GPRC6A: variants seen among roughly 807,000 people sequenced by gnomAD.
The protein encoded by GPRC6A is G protein-coupled receptor family C group 6 member A.
A neutral mutation model predicts 47.0 loss-of-function variants in GPRC6A; 54 were observed. The observed-to-expected ratio is 1.15, with a 90% CI of 0.92 to 1.44. The LOEUF (loss-of-function observed/expected upper bound fraction) is 1.44. Among genes scored for constraint, GPRC6A ranks in the 40% most tolerant of loss-of-function variants. GPRC6A has a pLI of 0.00. For synonymous variants in GPRC6A, 347 were observed against 377.1 expected (o/e 0.92, Z 0.93); for missense variants, 1,112 against 1,105.5 (o/e 1.01, Z -0.08).
intron 2 of GPRC6A, among the ~76,000 whole-genome samples, chr6:116,807,795 T>C (rs1772903009): frequency 6.6e-6 from 1 of 152,150 alleles, no homozygotes. Flanking sequence ...CTCAAGAGCA[T>C]GAGAACCACA....
chr6:116,806,996 C>G lies in GPRC6A; in HGVS notation c.709G>C (p.Val237Leu). 6.2e-7 allele frequency: 1 copy of G among 1,613,566 alleles called. No homozygotes were observed. The highest frequency in any genetic ancestry group is 1.7e-5 in the Admixed American group (1 of 59,904). ...AGAACCTCTTTGAAGGCTATGCACA[C>G]GTTATTTGCTTCAGCCTGAATTATA... ...TFIIQAEANN[V>L]CIAFKEVLPA... The change falls in exon 3 of 6, where the codon GTG (valine) becomes CTG (leucine). Residue 237 changes from valine (V) to leucine (L), a missense_variant. Val to Leu is a conservative substitution (Grantham distance 32). Transcript: ENST00000310357.
rs139001933 is a variant in GPRC6A, at chr6:116,811,201, T to C, written c.195-1584A>G. On this transcript the variant is annotated intron_variant, in intron 1 of 5. Transcript: ENST00000310357. ...TGTCAGATGGCACTTATGCCAGTCA[T>C]GGCCAAAAAAATCAAAGAAACTACA... Among the ~76,000 whole-genome samples the C allele has an allele frequency of 9.4e-3, 1,430 of 152,220 alleles. 10 individuals carry two copies. Among genetic ancestry groups the C allele is most frequent in the Non-Finnish European group, 0.015 (1,023 of 68,010 alleles).
intron 1 of GPRC6A, among the ~76,000 whole-genome samples, chr6:116,826,993 A>T (rs1303515860): frequency 1.3e-5 from 2 of 151,972 alleles, no homozygotes; most frequent in Non-Finnish European, 2.9e-5. Flanking sequence ...TGGGAGCTAA[A>T]ATCATTGATA....
chr6:116,810,818 C>A (rs1042786306), intron 1 of GPRC6A, among the ~76,000 whole-genome samples: 4 of 152,032 alleles, frequency 2.6e-5, no homozygotes, highest in African/African-American at 9.7e-5. Flanking sequence ...GTAAGCCCAG[C>A]TCATCATTGG....
chr6:116,797,180 A>G (rs543283361), intron 4 of GPRC6A, among the ~76,000 whole-genome samples: 1 of 152,154 alleles, frequency 6.6e-6, no homozygotes, highest in African/African-American at 2.4e-5. Flanking sequence ...GATGATTTCC[A>G]ATTTCATCCA....
chr6:116,806,710 T>C lies in GPRC6A; in HGVS notation c.995A>G (p.Asn332Ser). ...AAGAAAGGAATGGAAAGAGGATATA[T>C]TCCCTCTTCTAAAGGCAAACCCTAC... is the stretch of plus-strand genomic sequence containing the variant. Reference protein sequence around the residue: ...KVVGFAFRRGNISSFHSFLQN... With the variant: ...KVVGFAFRRGSISSFHSFLQN... Residue 332 changes from asparagine to serine, a missense_variant, in exon 3 of 6, where the codon AAT becomes AGT. Asn to Ser is a conservative substitution (Grantham distance 46). Transcript: ENST00000310357. 2 of 1,613,474 alleles carry C rather than the reference T, an allele frequency of 1.2e-6. No homozygotes were observed. Among genetic ancestry groups the C allele is most frequent in the Non-Finnish European group, 1.7e-6 (2 of 1,179,646 alleles).
chr6:116,821,705 CA>C (rs1562114824), intron 1 of GPRC6A, among the ~76,000 whole-genome samples: 1 of 151,586 alleles, frequency 6.6e-6, no homozygotes, highest in Admixed American at 6.6e-5. Flanking sequence ...AGACAAAAAT[CA>C]ATTCAACATG....
chr6:116,811,670 GAATC>G (rs2114602985), intron 1 of GPRC6A, among the ~76,000 whole-genome samples: 1 of 152,078 alleles, frequency 6.6e-6, no homozygotes, highest in East Asian at 1.9e-4. Flanking sequence ...TGTCATAAAA[GAATC>G]AAACAGAAAT....
Position 116,809,741 on chromosome 6 carries a change from T to A in GPRC6A, c.195-124A>T, listed in dbSNP as rs1289626073. 16 of 619,794 alleles carry A rather than the reference T, an allele frequency of 2.6e-5. 1 individual carries two copies. In the East Asian group the frequency reaches 4.1e-4, roughly 16 times the overall value. The allele number at this position is 619,794 out of a possible 1,614,324, so 38.4% of individuals were successfully genotyped here. ...TGAGTGAAGCTTATCTCTTAAATGATCTAAATTTTATTTAAAAACAATTTT... is the reference window on the plus strand; with the variant it reads ...TGAGTGAAGCTTATCTCTTAAATGAACTAAATTTTATTTAAAAACAATTTT... On this transcript the variant is annotated intron_variant, in intron 1 of 5. Transcript: ENST00000310357.
At chr6:116,813,441 A>T (rs1222214562) in intron 1 of GPRC6A, among the ~76,000 whole-genome samples, 3 of 152,212 alleles carry the variant, frequency 2.0e-5, no homozygotes, top group Non-Finnish European at 4.4e-5. Flanking sequence ...CAGCGGCCTC[A>T]GGAATAATAC....
chr6:116,818,818 G>C lies in GPRC6A; in HGVS notation c.195-9201C>G, dbSNP rs1357476489. On this transcript the variant is annotated intron_variant, in intron 1 of 5. Coordinates refer to ENST00000310357, the MANE Select transcript of GPRC6A (RefSeq NM_148963.4). ...CATCAACTAACGAACAAAATAACCA[G>C]CTATCATTATAATGACAGGATCAAA... Among the ~76,000 whole-genome samples the C allele has an allele frequency of 2.0e-5, 3 of 151,146 alleles. No homozygotes were observed. The South Asian group carries it at 6.3e-4, about 32-fold the overall frequency.
Position 116,792,304 on chromosome 6 carries a change from G to A in GPRC6A, c.2619C>T (p.Ser873=). The part of the protein sequence containing the change: ...SIALSPASLD[S]MSGNVTMTNP... The stretch of plus-strand genomic sequence containing the variant: ...TGGTCATTGTGACATTGCCGCTCAT[G>A]GAGTCCAGTGAAGCAGGACTCAGGG... The change falls in exon 6 of 6, where the codon TCC becomes TCT. Residue 873 remains serine, a synonymous_variant. Coordinates refer to ENST00000310357, the MANE Select transcript of GPRC6A (RefSeq NM_148963.4). The A allele has an allele frequency of 6.2e-7, 1 of 1,613,994 alleles. No individual in the cohort carries two copies. Among genetic ancestry groups the A allele is most frequent in the Non-Finnish European group, 8.5e-7 (1 of 1,179,942 alleles).
Position 116,806,487 on chromosome 6 carries a change from A to G in GPRC6A, c.1218T>C (p.Tyr406=), listed in dbSNP as rs1293942519. 1 of 1,613,618 alleles carries G rather than the reference A, an allele frequency of 6.2e-7. No homozygotes were observed. Among genetic ancestry groups the G allele is most frequent in the Non-Finnish European group, 8.5e-7 (1 of 1,179,724 alleles). The change falls in exon 3 of 6, where the codon TAT becomes TAC. Residue 406 remains tyrosine (Y), a synonymous_variant. Transcript: ENST00000310357. ...FVMRNDFLWD[Y]AEPGLIHSIQ... Reference sequence around the variant, plus strand: ...TACTATGAATGAGTCCTGGCTCAGCATAGTCCCAGAGGAAGTCATTTCTCA... The same window carrying G: ...TACTATGAATGAGTCCTGGCTCAGCGTAGTCCCAGAGGAAGTCATTTCTCA...
intron 1 of GPRC6A, among the ~76,000 whole-genome samples, chr6:116,813,978 A>G (rs995363245): frequency 2.6e-5 from 4 of 152,254 alleles, no homozygotes; most frequent in African/African-American, 7.2e-5. Context: ...GAAGACATGT[A>G]TGCAGCCAAC....
At chr6:116,816,910 C>T (rs1562486194) in intron 1 of GPRC6A, among the ~76,000 whole-genome samples, 1 of 152,198 alleles carries the variant, frequency 6.6e-6, no homozygotes, top group Non-Finnish European at 1.5e-5. Flanking sequence ...TCACTGATTG[C>T]TAGCACAGCA....
chr6:116,824,946 T>C (rs1381236090), intron 1 of GPRC6A, among the ~76,000 whole-genome samples: 1 of 152,060 alleles, frequency 6.6e-6, no homozygotes, highest in African/African-American at 2.4e-5. Context: ...TACAAATCAA[T>C]AAATGTAATA....
intron 1 of GPRC6A, among the ~76,000 whole-genome samples, chr6:116,812,523 A>C (rs1773059684): frequency 6.6e-6 from 1 of 152,192 alleles, no homozygotes; most frequent in Non-Finnish European, 1.5e-5. Context: ...AAAGAAAACA[A>C]CATAGAATAT....
chr6:116,800,717 G>C lies in GPRC6A; in HGVS notation c.1415C>G (p.Thr472Ser). The C allele has an allele frequency of 6.2e-7, 1 of 1,610,604 alleles. No homozygotes were observed. Among genetic ancestry groups the C allele is most frequent in the Non-Finnish European group, 8.5e-7 (1 of 1,177,062 alleles). Residue 472 changes from threonine (T) to serine (S), a missense_variant, in exon 4 of 6, where the codon ACT becomes AGT. Coordinates refer to ENST00000310357, the MANE Select transcript of GPRC6A (RefSeq NM_148963.4). Reference sequence around the variant, plus strand: ...CTTCCAGAGCACAACATCATATCCAGTATTTAAATCCCCGTGAGCATCAAA... The same window carrying C: ...CTTCCAGAGCACAACATCATATCCACTATTTAAATCCCCGTGAGCATCAAA... The part of the protein sequence containing the change: ...FHFDAHGDLN[T>S]GYDVVLWKEI...
In GPRC6A at chr6:116,793,268, C is replaced by A. The variant is rs145687861; in HGVS notation, c.1673-18G>T. 6.5e-7 allele frequency: 1 copy of A among 1,540,530 alleles called. No homozygotes were observed. The highest frequency in any genetic ancestry group is 1.3e-5 in the South Asian group (1 of 78,992). On this transcript the variant is annotated intron_variant, in intron 5 of 5. Transcript: ENST00000310357. The stretch of plus-strand genomic sequence containing the variant: ...AGGCATATCTAAAAGACAGAGGAGA[C>A]GCAGTTACATTGTCAACATTTAAAC...
Sources: allele counts gnomAD v4.1 joint callset (sites outside exome capture counted in the v4.1 genomes callset), GRCh38; gene constraint gnomAD v4.1.1; transcripts MANE v1.5; gene names NCBI Gene and HGNC (gene_info 2026-07-23, HGNC 2026-07-21).